The following SYT14 variants were observed in gnomAD, a reference collection of about 807,000 sequenced individuals.
The protein encoded by SYT14 is synaptotagmin 14, also known as synaptotagmin-14.
Under a neutral mutation model 74.2 loss-of-function variants are expected in SYT14, and 32 were observed. The ratio of observed to expected loss-of-function variants is 0.43; its 90% confidence interval spans 0.33 to 0.58. The LOEUF (loss-of-function observed/expected upper bound fraction) is 0.58. Ranked by LOEUF, SYT14 falls within the 20% of genes least tolerant of loss-of-function variation. SYT14 has a pLI of 0.05. For missense variants in SYT14, 791 were observed against 981.8 expected (o/e 0.81, Z 2.60); for synonymous variants, 298 against 337.7 (o/e 0.88, Z 1.29).
chr1:210,081,786 A>G (rs2081621454), intron 5 of SYT14, among the ~76,000 whole-genome samples: 1 of 152,232 alleles, frequency 6.6e-6, no homozygotes, highest in African/African-American at 2.4e-5. Context: ...AGCACTTCAC[A>G]AAACAGAATA....
chr1:209,967,418 A>G (rs1379205309), intron 2 of SYT14, among the ~76,000 whole-genome samples: 2 of 152,130 alleles, frequency 1.3e-5, no homozygotes, highest in South Asian at 2.1e-4. Context: ...ACAGTTCACT[A>G]GAGAAGCCAC....
At chr1:210,096,517 C>A (rs148010849) in intron 6 of SYT14, among the ~76,000 whole-genome samples, 3 of 152,336 alleles carry the variant, frequency 2.0e-5, no homozygotes, top group African/African-American at 7.2e-5. Flanking sequence ...CAAGACCACA[C>A]TGTGTGAGTC....
intron 7 of SYT14, among the ~76,000 whole-genome samples, 164 bp from the exon 7 acceptor site, chr1:210,155,557 A>G (rs915319747): frequency 1.3e-5 from 2 of 152,224 alleles, no homozygotes; most frequent in Admixed American, 6.5e-5. Flanking sequence ...AAAGAAATCC[A>G]GGGGCTAAAA....
rs571487908 is a variant in SYT14 at position 210,048,091 on chromosome 1, A to G, written c.1312+26837A>G. On this transcript the variant is annotated intron_variant, in intron 5 of 9. Coordinates refer to ENST00000637265, the Ensembl canonical transcript of SYT14. ...GACTGTGTGAATATCCTGTTCCCCAATACCTAGTGGTTTTAACATTCATTG... is the reference window on the plus strand; with the variant it reads ...GACTGTGTGAATATCCTGTTCCCCAGTACCTAGTGGTTTTAACATTCATTG... Among the ~76,000 whole-genome samples, 4 of 152,322 alleles carry G rather than the reference A, an allele frequency of 2.6e-5. No individual in the cohort carries two copies. In the East Asian group the frequency reaches 7.7e-4, roughly 29 times the overall value.
intron 7 of SYT14, among the ~76,000 whole-genome samples, chr1:210,103,153 T>A (rs1270797367): frequency 1.3e-5 from 2 of 152,120 alleles, no homozygotes; most frequent in Non-Finnish European, 2.9e-5. Flanking sequence ...AATTTAGTTT[T>A]ATAGCTAGTT....
intron 7 of SYT14, among the ~76,000 whole-genome samples, chr1:210,101,700 A>ATCTTT (rs1300433770): frequency 3.3e-5 from 5 of 152,104 alleles, no homozygotes; most frequent in African/African-American, 1.2e-4. Context: ...GGAGGGGGGA[A>ATCTTT]GAACGAATTT....
At chr1:210,062,291 T>G (rs1249864987) in intron 5 of SYT14, among the ~76,000 whole-genome samples, 2 of 151,904 alleles carry the variant, frequency 1.3e-5, no homozygotes, top group African/African-American at 4.8e-5. Flanking sequence ...ATTCTTACAG[T>G]GTAAAACTAT....
chr1:209,994,448 A>G (rs1366014773), intron 2 of SYT14, among the ~76,000 whole-genome samples: 3 of 152,210 alleles, frequency 2.0e-5, no homozygotes, highest in Non-Finnish European at 4.4e-5. Flanking sequence ...AAGAAAAAAG[A>G]ATTTTTTAAA....
At chr1:209,974,142 G>T (rs567588155) in intron 2 of SYT14, among the ~76,000 whole-genome samples, 229 of 151,376 alleles carry the variant, frequency 1.5e-3, no homozygotes, top group African/African-American at 5.2e-3. Context: ...TTGCAAAAAT[G>T]TTCTCCCATT....
chr1:210,158,577 G>T (rs1480912551), intron 8 of SYT14, among the ~76,000 whole-genome samples: 1 of 152,172 alleles, frequency 6.6e-6, no homozygotes, highest in Admixed American at 6.5e-5. Flanking sequence ...ACAACTAAAA[G>T]GGAGGTCTGG....
intron 2 of SYT14, among the ~76,000 whole-genome samples, chr1:209,989,971 T>TAC (rs1195336004): frequency 6.6e-6 from 1 of 152,184 alleles, no homozygotes; most frequent in Non-Finnish European, 1.5e-5. Context: ...TAAAGCCATG[T>TAC]ACTTGCAGTT....
At chr1:210,060,637 T>C (rs1453161978) in intron 5 of SYT14, among the ~76,000 whole-genome samples, 2 of 152,008 alleles carry the variant, frequency 1.3e-5, no homozygotes, top group South Asian at 2.1e-4. Context: ...GCAAAAAATA[T>C]GGAAATTTAA....
At chr1:210,157,407 A>G (rs1007432699) in intron 8 of SYT14, among the ~76,000 whole-genome samples, 26 of 149,536 alleles carry the variant, frequency 1.7e-4, no homozygotes, top group Non-Finnish European at 3.0e-4. Context: ...GCACCACCGC[A>G]CTCCAGCCTG....
chr1:210,149,038 A>G (rs1252610851), intron 7 of SYT14, among the ~76,000 whole-genome samples: 2 of 152,166 alleles, frequency 1.3e-5, no homozygotes, highest in African/African-American at 4.8e-5. Context: ...ACCATGAGAA[A>G]AGAAACTTAT....
At chr1:209,979,566 C>T (rs2079443009) in intron 2 of SYT14, among the ~76,000 whole-genome samples, 1 of 152,076 alleles carries the variant, frequency 6.6e-6, no homozygotes, top group Admixed American at 6.6e-5. Context: ...TTAAGCCCAG[C>T]ATCCATTAGC....
chr1:209,985,717 G>T (rs557624367), intron 2 of SYT14, among the ~76,000 whole-genome samples: 1 of 152,300 alleles, frequency 6.6e-6, no homozygotes, highest in African/African-American at 2.4e-5. Context: ...CTTCTTCCTA[G>T]ACACTCAGGC....
At chr1:210,108,557 G>A (rs2082200541) in intron 7 of SYT14, among the ~76,000 whole-genome samples, 1 of 152,026 alleles carries the variant, frequency 6.6e-6, no homozygotes, top group Non-Finnish European at 1.5e-5. Flanking sequence ...GGAAAGTGAG[G>A]GTTTAGGGAG....
At chr1:210,161,264 T>C (rs1421178275) in exon 10 of SYT14, 1 of 656,824 alleles carries the variant, frequency 1.5e-6, no homozygotes, top group Admixed American at 2.0e-5. Context: ...AAACGTACAC[T>C]ATCATTGCTA....
intron 1 of SYT14, among the ~76,000 whole-genome samples, chr1:209,949,441 C>T (rs1029963793): frequency 3.9e-5 from 6 of 151,902 alleles, no homozygotes; most frequent in African/African-American, 9.7e-5. Context: ...GGCCTGGTGG[C>T]ATGTGCCTGT....
Sources: allele counts gnomAD v4.1 joint callset (sites outside exome capture counted in the v4.1 genomes callset), GRCh38; gene constraint gnomAD v4.1.1; transcripts MANE v1.5; gene names NCBI Gene and HGNC (gene_info 2026-07-23, HGNC 2026-07-21).